NHS: variants seen among roughly 807,000 people sequenced by gnomAD.
NHS encodes the protein NHS actin remodeling regulator, also known as actin remodeling regulator NHS.
Under a neutral mutation model 72.5 loss-of-function variants are expected in NHS, and 5 were observed. The observed-to-expected ratio is 0.07, with a 90% CI of 0.04 to 0.14. The LOEUF (loss-of-function observed/expected upper bound fraction) is 0.14, where lower values mean the gene tolerates loss of function less well. NHS is among the 10% of genes least tolerant of loss of function. The probability of loss-of-function intolerance (pLI) is 1.00; values close to 1 mark genes in which losing one functional copy is unlikely to be tolerated. For missense variants in NHS, 1,072 were observed against 1,355.7 expected (o/e 0.79, Z 3.29); for synonymous variants, 464 against 547.7 (o/e 0.85, Z 2.13).
At chrX:17,573,701 ATCCAGTTTTGT>A (rs2065494539) in intron 1 of NHS, among the ~76,000 whole-genome samples, 1 of 110,603 alleles carries the variant, frequency 9.0e-6, no homozygotes, top group South Asian at 3.9e-4. Flanking sequence ...CTCATTCTCC[ATCCAGTTTTGT>A]TCCCTTGCTG....
chrX:17,687,942 T>G, intron 2 of NHS, 48 bp downstream of exon 2: 1 of 1,176,677 alleles, frequency 8.5e-7, no homozygotes, highest in African/African-American at 1.8e-5. Context: ...AACTCGGAGG[T>G]TGTCCCATCC....
intron 1 of NHS, among the ~76,000 whole-genome samples, chrX:17,388,145 C>T (rs2064419984): frequency 9.0e-6 from 1 of 111,607 alleles, no homozygotes; most frequent in African/African-American, 3.3e-5. Flanking sequence ...AAAAATTGAC[C>T]AATAATCTTA....
At chrX:17,675,899 A>T (rs2066076756) in intron 1 of NHS, among the ~76,000 whole-genome samples, 1 of 112,121 alleles carries the variant, frequency 8.9e-6, no homozygotes, top group African/African-American at 3.2e-5. Flanking sequence ...CAAAGATACT[A>T]ATTAGCAAGT....
intron 1 of NHS, chrX:17,687,436 G>C (rs781075257): frequency 3.1e-6 from 1 of 321,377 alleles, no homozygotes; most frequent in Non-Finnish European, 5.6e-6. Flanking sequence ...CCAGGGGCTT[G>C]TCAGTGTTGA....
In NHS at chrX:17,507,656, A is replaced by G. The variant is rs544583774; in HGVS notation, c.565+131334A>G. Among the ~76,000 whole-genome samples, 450 of 112,023 alleles carry G rather than the reference A, an allele frequency of 4.0e-3. 1 individual carries two copies. The Middle Eastern group carries it at 0.046, about 11-fold the overall frequency. On this transcript the variant is annotated intron_variant, in intron 1 of 8. Transcript: ENST00000676302. ...AGTAAAGACCTGGCCCCCTCTCACC[A>G]TTGTTTACCCGAGGTGTCTGATCAC...
intron 1 of NHS, among the ~76,000 whole-genome samples, chrX:17,576,220 A>G (rs745441354): frequency 8.9e-6 from 1 of 112,093 alleles, no homozygotes; most frequent in South Asian, 3.7e-4. Context: ...TCAGTCATGT[A>G]TATATTCACC....
chrX:17,666,236 C>T (rs1003595525), intron 1 of NHS, among the ~76,000 whole-genome samples: 1 of 112,108 alleles, frequency 8.9e-6, no homozygotes, highest in Non-Finnish European at 1.9e-5. Context: ...TATTTTCAAA[C>T]AGGGGCACGG....
At chrX:17,709,731 A>G (rs780300361) in intron 3 of NHS, among the ~76,000 whole-genome samples, 18 of 111,133 alleles carry the variant, frequency 1.6e-4, no homozygotes, top group Non-Finnish European at 3.0e-4. Flanking sequence ...CTGGAGAGTA[A>G]CCGTGGCCTG....
intron 1 of NHS, among the ~76,000 whole-genome samples, chrX:17,633,097 G>A (rs1161921855): frequency 1.8e-5 from 2 of 111,470 alleles, no homozygotes; most frequent in Non-Finnish European, 3.8e-5. Flanking sequence ...TTTTTAGCGG[G>A]GGCGTTGCCC....
chrX:17,418,884 A>G (rs113179339), intron 1 of NHS, among the ~76,000 whole-genome samples: 4 of 112,193 alleles, frequency 3.6e-5, no homozygotes, highest in African/African-American at 1.3e-4. Flanking sequence ...CTCTAACAGC[A>G]AAGAGCAAGT....
chrX:17,561,572 G>T (rs201037874), intron 1 of NHS, among the ~76,000 whole-genome samples: 1 of 60,229 alleles, frequency 1.7e-5, no homozygotes, highest in East Asian at 8.4e-4. Flanking sequence ...GCGCGCGCGC[G>T]CGCACACACA....
chrX:17,518,416 A>G (rs902727929), intron 1 of NHS, among the ~76,000 whole-genome samples: 1 of 111,769 alleles, frequency 8.9e-6, no homozygotes, highest in Non-Finnish European at 1.9e-5. Flanking sequence ...CAAGGAGTGA[A>G]CGCATGGCCA....
At chrX:17,563,362 C>T (rs2065425406) in intron 1 of NHS, among the ~76,000 whole-genome samples, 1 of 112,618 alleles carries the variant, frequency 8.9e-6, no homozygotes, top group Non-Finnish European at 1.9e-5. Flanking sequence ...CTGACATCAC[C>T]TATGACTAGC....
At position 17,734,208 on chromosome X, in the gene NHS, T is replaced by C. The variant is rs976311452; in HGVS notation, c.*1744T>C. 1.8e-5 allele frequency: 2 copies of C among 111,868 alleles called. No individual in the cohort carries two copies. Among genetic ancestry groups the C allele is most frequent in the Non-Finnish European group, 3.8e-5 (2 of 53,109 alleles). The allele number at this position is 111,868 out of a possible 1,213,427, so 9.2% of individuals were successfully genotyped here. ...GGCTTTAAGCTTATGCAAGTGGTAG[T>C]TGGGAAAGTAGGAGGTGTGGAAGAG... is the stretch of plus-strand genomic sequence containing the variant. On this transcript the variant is annotated 3_prime_UTR_variant, in exon 9 of 9. Transcript: ENST00000676302.
intron 3 of NHS, chrX:17,705,682 G>C (rs901856125): frequency 2.7e-5 from 3 of 112,708 alleles, no homozygotes; most frequent in Non-Finnish European, 3.8e-5. Context: ...CAGAAGTTCA[G>C]CTGGTCCTCC....
intron 1 of NHS, among the ~76,000 whole-genome samples, chrX:17,399,932 T>G (rs2064495329): frequency 8.9e-6 from 1 of 112,008 alleles, no homozygotes; most frequent in African/African-American, 3.2e-5. Flanking sequence ...TCTGATGAAG[T>G]ACATCTATGA....
At chrX:17,419,683 G>A (rs1039602184) in intron 1 of NHS, among the ~76,000 whole-genome samples, 2 of 111,037 alleles carry the variant, frequency 1.8e-5, no homozygotes, top group African/African-American at 6.5e-5. Context: ...TAGAAAGTGC[G>A]AATCCATTAG....
rs143289369 is a variant in NHS, at chrX:17,725,854, G to A, written c.1748G>A (p.Arg583His). ...AAATTAAGTGAGAGGGGAAGGTCAC[G>A]TCTGTCCCGAATGGCTGCTGACTCT... ...QHKLSERGRS[R>H]LSRMAADSGS... Residue 583 changes from arginine to histidine, a missense_variant, in exon 7 of 9, where the codon CGT (arginine) becomes CAT (histidine). Arg to His is a conservative substitution (Grantham distance 29). Transcript: ENST00000676302. 78 of 1,209,695 alleles carry A rather than the reference G, an allele frequency of 6.4e-5. No individual in the cohort carries two copies. The African/African-American group carries it at 8.4e-4, about 13-fold the overall frequency.
chrX:17,679,164 C>T (rs2066107526), intron 1 of NHS, among the ~76,000 whole-genome samples: 2 of 109,209 alleles, frequency 1.8e-5, no homozygotes, highest in African/African-American at 3.4e-5. Context: ...TTTGTTTTAC[C>T]ACATTCCCCT....
Sources: gnomAD v4.1 joint callset for allele counts (sites outside exome capture counted in the v4.1 genomes callset) on GRCh38, gnomAD v4.1.1 for gene constraint, MANE v1.5 for transcripts, NCBI Gene and HGNC (gene_info 2026-07-23, HGNC 2026-07-21) for gene names.